The following NAV2 variants were observed in gnomAD, a reference collection of about 807,000 sequenced individuals.
NAV2 encodes the protein neuron navigator 2, also known as helicase, APC down-regulated 1.
A neutral mutation model predicts 223.2 loss-of-function variants in NAV2; 54 were observed. The ratio of observed to expected loss-of-function variants is 0.24; its 90% CI spans 0.19 to 0.30. NAV2 has a LOEUF of 0.30. NAV2 is among the 10% of genes least tolerant of loss of function. The probability of loss-of-function intolerance (pLI) is 1.00; values close to 1 mark genes in which losing one functional copy is unlikely to be tolerated. For missense variants in NAV2, 2,806 were observed against 3,147.5 expected (o/e 0.89, Z 2.60); for synonymous variants, 1,279 against 1,239.3 (o/e 1.03, Z -0.67).
At chr11:20,002,637 G>A (rs189171090) in intron 11 of NAV2, among the ~76,000 whole-genome samples, 1 of 152,268 alleles carries the variant, frequency 6.6e-6, no homozygotes, top group Admixed American at 6.5e-5. Flanking sequence ...AAAAGAGACT[G>A]AGCCTGGGGA....
intron 1 of NAV2, among the ~76,000 whole-genome samples, chr11:19,515,565 C>T (rs563239868): frequency 1.2e-4 from 18 of 152,202 alleles, no homozygotes; most frequent in Non-Finnish European, 2.6e-4. Flanking sequence ...ATCCTTTTTT[C>T]ACTTTGTAAT....
chr11:19,920,285 T>C (rs373559800), intron 6 of NAV2, among the ~76,000 whole-genome samples: 1 of 152,214 alleles, frequency 6.6e-6, no homozygotes, highest in South Asian at 2.1e-4. Flanking sequence ...AATAAACCTG[T>C]TAAATTATTA....
intron 1 of NAV2, among the ~76,000 whole-genome samples, chr11:19,670,733 A>T (rs2048553875): frequency 6.6e-6 from 1 of 152,240 alleles, no homozygotes; most frequent in African/African-American, 2.4e-5. Flanking sequence ...CATAGAAGGC[A>T]GAAGCAGCCA....
At chr11:20,115,874 C>T (rs2063047354) in intron 37 of NAV2, among the ~76,000 whole-genome samples, 1 of 152,194 alleles carries the variant, frequency 6.6e-6, no homozygotes, top group Admixed American at 6.5e-5. Context: ...GATTGTGCCA[C>T]TGCACTCCAG....
intron 3 of NAV2, among the ~76,000 whole-genome samples, chr11:19,866,641 C>T (rs1434626562): frequency 6.6e-6 from 1 of 152,088 alleles, no homozygotes; most frequent in East Asian, 1.9e-4. Flanking sequence ...CTTTATGCTT[C>T]TTGGAATGTG....
chr11:19,684,984 G>A (rs1460967872), intron 1 of NAV2, among the ~76,000 whole-genome samples: 1 of 152,166 alleles, frequency 6.6e-6, no homozygotes, highest in African/African-American at 2.4e-5. Context: ...AAAAGCACAT[G>A]GTCAGGCAGG....
At chr11:19,825,947 T>C (rs2059624645) in intron 1 of NAV2, among the ~76,000 whole-genome samples, 1 of 152,176 alleles carries the variant, frequency 6.6e-6, no homozygotes. Context: ...TTTTATCTTG[T>C]CAAGCCTTTG....
chr11:19,963,881 G>A (rs934449337), intron 10 of NAV2, among the ~76,000 whole-genome samples: 2 of 152,116 alleles, frequency 1.3e-5, no homozygotes, highest in Non-Finnish European at 2.9e-5. Context: ...TTACCGAAGC[G>A]CCTTACCGCG....
chr11:19,712,407 G>C (rs1817349322), upstream of NAV2: 1 of 152,256 alleles, frequency 6.6e-6, no homozygotes, highest in South Asian at 2.1e-4. Flanking sequence ...CTTAAAGCGG[G>C]AGACGAGCTT....
chr11:19,758,007 A>C (rs1237573995), intron 1 of NAV2, among the ~76,000 whole-genome samples: 1 of 152,190 alleles, frequency 6.6e-6, no homozygotes, highest in Non-Finnish European at 1.5e-5. Flanking sequence ...GACAAACCCC[A>C]AAAATATTAT....
chr11:19,723,814 G>A (rs1053274177), intron 1 of NAV2, among the ~76,000 whole-genome samples: 9 of 152,202 alleles, frequency 5.9e-5, no homozygotes. Context: ...CCACATGCTG[G>A]CTGCAGCTCT....
chr11:20,023,214 A>C (rs1170650057), intron 11 of NAV2: 15 of 1,247,934 alleles, frequency 1.2e-5, no homozygotes, highest in Non-Finnish European at 1.6e-5. Flanking sequence ...CCGGTATTGA[A>C]AAGCCTGGTG....
chr11:19,370,800 T>G (rs1848443011), intron 1 of NAV2, among the ~76,000 whole-genome samples: 1 of 152,232 alleles, frequency 6.6e-6, no homozygotes, highest in African/African-American at 2.4e-5. Context: ...TGTTGACAGC[T>G]AATGCTAAGG....
chr11:19,621,624 C>T (rs190517841), intron 1 of NAV2, among the ~76,000 whole-genome samples: 303 of 151,982 alleles, frequency 2.0e-3, no homozygotes, highest in African/African-American at 7.0e-3. Flanking sequence ...TTTTTTATTG[C>T]GTCTATTTGA....
chr11:19,611,989 C>T (rs1279394071), intron 1 of NAV2, among the ~76,000 whole-genome samples: 1 of 152,268 alleles, frequency 6.6e-6, no homozygotes, highest in Admixed American at 6.5e-5. Flanking sequence ...GACATCCAGG[C>T]ATTTCCATAC....
intron 1 of NAV2, among the ~76,000 whole-genome samples, chr11:19,550,046 G>A (rs942830427): frequency 6.6e-6 from 1 of 152,222 alleles, no homozygotes; most frequent in East Asian, 1.9e-4. Flanking sequence ...GGACATATGT[G>A]GAGGTGGATG....
intron 1 of NAV2, among the ~76,000 whole-genome samples, chr11:19,546,891 C>A (rs1244066891): frequency 2.0e-5 from 3 of 152,176 alleles, no homozygotes; most frequent in Non-Finnish European, 4.4e-5. Context: ...ATTCTTCCAG[C>A]AAGACAACTT....
chr11:19,453,057 G>C (rs1263798271), intron 1 of NAV2, among the ~76,000 whole-genome samples: 1 of 152,196 alleles, frequency 6.6e-6, no homozygotes, highest in Non-Finnish European at 1.5e-5. Context: ...TGGCTGGTAA[G>C]TGCGAGTTAG....
chr11:19,598,773 G>A (rs889229379), intron 1 of NAV2, among the ~76,000 whole-genome samples: 31 of 152,068 alleles, frequency 2.0e-4, no homozygotes, highest in African/African-American at 5.6e-4. Flanking sequence ...TAGGTTATCC[G>A]GCCTCTTATG....
Sources: gnomAD v4.1 joint callset for allele counts (sites outside exome capture counted in the v4.1 genomes callset) on GRCh38, gnomAD v4.1.1 for gene constraint, MANE v1.5 for transcripts, NCBI Gene and HGNC (gene_info 2026-07-23, HGNC 2026-07-21) for gene names.